The following ATXN7L1 variants were observed in gnomAD, a reference collection of about 807,000 sequenced individuals.
The protein encoded by ATXN7L1 is ataxin-7-like protein 1.
A neutral mutation model predicts 70.8 loss-of-function variants in ATXN7L1; 15 were observed. That is an observed-to-expected ratio of 0.21 (90% CI 0.14 to 0.33). The LOEUF (loss-of-function observed/expected upper bound fraction) is 0.33. Among genes scored for constraint, ATXN7L1 ranks in the 10% least tolerant of loss-of-function variants. The probability of loss-of-function intolerance (pLI) is 1.00; values close to 1 mark genes in which losing one functional copy is unlikely to be tolerated. For missense variants in ATXN7L1, 975 were observed against 1,097.1 expected, an observed-to-expected ratio of 0.89 and a Z score of 1.57; for synonymous variants, 440 against 445.1, an observed-to-expected ratio of 0.99 and a Z score of 0.14.
At chr7:105,736,782 C>T (rs934275313) in intron 3 of ATXN7L1, among the ~76,000 whole-genome samples, 4 of 152,252 alleles carry the variant, frequency 2.6e-5, no homozygotes, top group African/African-American at 9.6e-5. Context: ...GGGGCTGGTG[C>T]TGCCCAGGTG....
chr7:105,680,683 CT>C (rs1490171541), intron 3 of ATXN7L1, among the ~76,000 whole-genome samples: 2 of 152,200 alleles, frequency 1.3e-5, no homozygotes, highest in Non-Finnish European at 2.9e-5. Context: ...TCAAGGGCCC[CT>C]GGGCACATTC....
chr7:105,656,864 G>A (rs963865472), intron 4 of ATXN7L1, among the ~76,000 whole-genome samples: 13 of 152,204 alleles, frequency 8.5e-5, no homozygotes, highest in Non-Finnish European at 1.6e-4. Context: ...CACCACGCCG[G>A]CCTCCCCCTT....
chr7:105,826,676 C>T (rs1810913701), intron 2 of ATXN7L1, among the ~76,000 whole-genome samples: 1 of 151,704 alleles, frequency 6.6e-6, no homozygotes, highest in Non-Finnish European at 1.5e-5. Context: ...AACAACATGG[C>T]CACCAAGAAA....
chr7:105,620,149 G>C, intron 9 of ATXN7L1, 51 bp downstream of exon 9: 1 of 1,542,512 alleles, frequency 6.5e-7, no homozygotes, highest in South Asian at 1.2e-5. Flanking sequence ...TAAGTTTCAG[G>C]TAACTGTGGG....
At chr7:105,709,441 G>A (rs1243861727) in intron 3 of ATXN7L1, among the ~76,000 whole-genome samples, 1 of 152,136 alleles carries the variant, frequency 6.6e-6, no homozygotes, top group Non-Finnish European at 1.5e-5. Flanking sequence ...CCTAGAGATA[G>A]TAAAGGACGC....
intron 3 of ATXN7L1, among the ~76,000 whole-genome samples, chr7:105,781,248 C>G (rs1803483081): frequency 6.6e-6 from 1 of 151,908 alleles, no homozygotes; most frequent in South Asian, 2.1e-4. Flanking sequence ...GATAAGGACC[C>G]CCCAAAAAAT....
intron 2 of ATXN7L1, among the ~76,000 whole-genome samples, chr7:105,818,096 T>G (rs574520802): frequency 1.1e-4 from 16 of 152,310 alleles, no homozygotes; most frequent in Admixed American, 3.3e-4. Flanking sequence ...CCAAAAGCAT[T>G]CTGGTGAGTG....
At chr7:105,678,371 A>T (rs962465769) in intron 3 of ATXN7L1, among the ~76,000 whole-genome samples, 1 of 152,120 alleles carries the variant, frequency 6.6e-6, no homozygotes, top group Non-Finnish European at 1.5e-5. Context: ...CAGGAAACAG[A>T]GCCCTAGCTA....
Position 105,624,123 on chromosome 7 carries a change from G to T in ATXN7L1, c.1347C>A (p.Ser449=), listed in dbSNP as rs373239207. 4.6e-6 allele frequency: 7 copies of T among 1,519,532 alleles called. No homozygotes were observed. Among genetic ancestry groups the T allele is most frequent in the Non-Finnish European group, 6.2e-6 (7 of 1,128,400 alleles). 94.1% of individuals were successfully genotyped at this position (1,519,532 alleles called of 1,614,324 possible). A position where few individuals can be genotyped will look rare whatever the true frequency, so the allele number is the denominator to read the frequency against. The change falls in exon 8 of 12, where the codon TCC becomes TCA. Residue 449 remains serine (S), a synonymous_variant. Coordinates refer to ENST00000419735, the MANE Select transcript of ATXN7L1 (RefSeq NM_020725.2). ...TGGAGAACTGACAGTCTAGCTTCTC[G>T]GATTCGTCGGCTCCGTCCATCTCCC... The part of the protein sequence containing the change: ...DEGEMDGADE[S]EKLDCQFSTH...
At chr7:105,802,142 C>G (rs1806910040) in intron 2 of ATXN7L1, among the ~76,000 whole-genome samples, 1 of 152,192 alleles carries the variant, frequency 6.6e-6, no homozygotes, top group Non-Finnish European at 1.5e-5. Flanking sequence ...AACCACCTAG[C>G]AAACTGCAGT....
intron 3 of ATXN7L1, among the ~76,000 whole-genome samples, chr7:105,738,389 A>C (rs1231945995): frequency 1.3e-5 from 2 of 152,206 alleles, no homozygotes; most frequent in Non-Finnish European, 2.9e-5. Context: ...GAATATCAAA[A>C]TGTGATGAAT....
chr7:105,658,401 T>C (rs1801027938), intron 4 of ATXN7L1, among the ~76,000 whole-genome samples: 1 of 152,290 alleles, frequency 6.6e-6, no homozygotes, highest in Admixed American at 6.5e-5. Context: ...TAGGCAATTG[T>C]AATATAAGTG....
rs1440837066 is a variant in ATXN7L1, at chr7:105,662,059, C to T, written c.578+3007G>A. ...CCTTCCTTCCTTCCTTCCTTCCTTC[C>T]TTCCTTCCTTCCTTCCTTCCTTCTT... is the stretch of plus-strand genomic sequence containing the variant. On this transcript the variant is annotated intron_variant, in intron 4 of 11. Transcript: ENST00000419735. 5.5e-3 allele frequency among the ~76,000 whole-genome samples: 469 copies of T among 85,020 alleles called. 6 individuals are homozygous for T. Among genetic ancestry groups the T allele is most frequent in the South Asian group, 0.031 (50 of 1,620 alleles). The allele number at this position is 85,020 out of a possible 152,430, so 55.8% of individuals were successfully genotyped here.
chr7:105,741,166 C>T (rs367639474), intron 3 of ATXN7L1, among the ~76,000 whole-genome samples: 2 of 152,224 alleles, frequency 1.3e-5, no homozygotes, highest in African/African-American at 4.8e-5. Context: ...TGGGGATGTG[C>T]GGAGGCTCAG....
chr7:105,789,195 T>C (rs1038534031), intron 2 of ATXN7L1, among the ~76,000 whole-genome samples: 14 of 152,232 alleles, frequency 9.2e-5, no homozygotes, highest in African/African-American at 3.1e-4. Context: ...TTGAGGGACA[T>C]GCTAAGGCTG....
At chr7:105,812,686 T>C (rs531799588) in intron 2 of ATXN7L1, among the ~76,000 whole-genome samples, 23 of 152,172 alleles carry the variant, frequency 1.5e-4, no homozygotes, top group Admixed American at 1.2e-3. Flanking sequence ...TTGTTCTAGG[T>C]GTCAGGAATT....
intron 3 of ATXN7L1, among the ~76,000 whole-genome samples, chr7:105,688,043 C>A (rs941938150): frequency 6.6e-6 from 1 of 152,166 alleles, no homozygotes; most frequent in African/African-American, 2.4e-5. Context: ...ACCAAGGTTG[C>A]GGAGTGTCCC....
intron 3 of ATXN7L1, among the ~76,000 whole-genome samples, chr7:105,698,037 G>A (rs1391719158): frequency 6.6e-6 from 1 of 152,228 alleles, no homozygotes; most frequent in Non-Finnish European, 1.5e-5. Context: ...AACACAGGAT[G>A]GAGACTGAGC....
At chr7:105,866,316 C>T (rs1817469024) in intron 2 of ATXN7L1, among the ~76,000 whole-genome samples, 1 of 152,202 alleles carries the variant, frequency 6.6e-6, no homozygotes, top group Admixed American at 6.5e-5. Flanking sequence ...GCCACTTCGT[C>T]CTGCCCTGGA....
Sources: gnomAD v4.1 joint callset for allele counts (sites outside exome capture counted in the v4.1 genomes callset) on GRCh38, gnomAD v4.1.1 for gene constraint, MANE v1.5 for transcripts, NCBI Gene and HGNC (gene_info 2026-07-23, HGNC 2026-07-21) for gene names.